Variants in NCAM2 observed in about 807,000 individuals in gnomAD.
The protein encoded by NCAM2 is neural cell adhesion molecule 2.
Under a neutral mutation model 98.1 loss-of-function variants are expected in NCAM2, and 30 were observed. The observed-to-expected ratio is 0.31, with a 90% CI of 0.23 to 0.41. The LOEUF (loss-of-function observed/expected upper bound fraction) is 0.41, where lower values mean the gene tolerates loss of function less well. NCAM2 is among the 10% of genes least tolerant of loss of function. The pLI, the probability that NCAM2 is intolerant of heterozygous loss-of-function variation, is 1.00. For synonymous variants in NCAM2, 368 were observed against 342.4 expected, an observed-to-expected ratio of 1.07 and a Z score of -0.83; for missense variants, 867 against 1,005.8, an observed-to-expected ratio of 0.86 and a Z score of 1.87.
chr21:21,041,451 T>C (rs2064903012), intron 1 of NCAM2, among the ~76,000 whole-genome samples: 1 of 152,158 alleles, frequency 6.6e-6, no homozygotes, highest in African/African-American at 2.4e-5. Context: ...TTGAGAGTGA[T>C]TTTAAGAAGA....
intron 8 of NCAM2, among the ~76,000 whole-genome samples, chr21:21,370,202 T>C (rs1224848377): frequency 6.6e-6 from 1 of 151,888 alleles, no homozygotes; most frequent in Non-Finnish European, 1.5e-5. Flanking sequence ...TAGGTTTCCT[T>C]TCTGAATGTC....
intron 1 of NCAM2, among the ~76,000 whole-genome samples, chr21:21,206,979 A>G (rs1047961253): frequency 6.6e-6 from 1 of 152,142 alleles, no homozygotes; most frequent in African/African-American, 2.4e-5. Context: ...TTTAGACTAT[A>G]CAAGGTATTT....
intron 16 of NCAM2, among the ~76,000 whole-genome samples, chr21:21,514,127 A>G (rs1988564059): frequency 6.6e-6 from 1 of 150,862 alleles, no homozygotes; most frequent in South Asian, 2.1e-4. Context: ...ATAAACCTAT[A>G]TATGGTATAA....
intron 1 of NCAM2, among the ~76,000 whole-genome samples, chr21:21,205,888 C>G (rs1018530977): frequency 2.0e-5 from 3 of 152,026 alleles, no homozygotes; most frequent in African/African-American, 7.2e-5. Context: ...CTAGGTAGCT[C>G]TCTGTGGCTT....
At chr21:21,132,092 A>T (rs2066947810) in intron 1 of NCAM2, among the ~76,000 whole-genome samples, 1 of 152,216 alleles carries the variant, frequency 6.6e-6, no homozygotes, top group Non-Finnish European at 1.5e-5. Context: ...TCCAGGTTCT[A>T]GGAGTTTCCC....
intron 6 of NCAM2, among the ~76,000 whole-genome samples, chr21:21,328,329 G>A (rs553445328): frequency 5.9e-5 from 9 of 151,922 alleles, no homozygotes; most frequent in South Asian, 2.1e-4. Context: ...TTACTATACC[G>A]TACTTTTAAT....
intron 1 of NCAM2, among the ~76,000 whole-genome samples, chr21:21,075,150 A>G (rs1460500989): frequency 6.6e-6 from 1 of 152,124 alleles, no homozygotes; most frequent in African/African-American, 2.4e-5. Flanking sequence ...GAATACATGG[A>G]CACAGGGAGG....
intron 15 of NCAM2, among the ~76,000 whole-genome samples, chr21:21,504,969 T>A (rs1987887924): frequency 6.6e-6 from 1 of 151,926 alleles, no homozygotes; most frequent in African/African-American, 2.4e-5. Flanking sequence ...TTTTTAAATG[T>A]ATAATTATTA....
intron 7 of NCAM2, among the ~76,000 whole-genome samples, chr21:21,337,973 A>G (rs541422216): frequency 6.6e-6 from 1 of 152,184 alleles, no homozygotes; most frequent in South Asian, 2.1e-4. Context: ...GTCTGTATAA[A>G]TATATTCATG....
At chr21:21,144,044 C>T (rs2067223556) in intron 1 of NCAM2, among the ~76,000 whole-genome samples, 1 of 151,896 alleles carries the variant, frequency 6.6e-6, no homozygotes, top group Non-Finnish European at 1.5e-5. Flanking sequence ...GTACCAACAT[C>T]ATACAATTAA....
At chr21:21,462,570 A>T (rs1242248527) in intron 12 of NCAM2, among the ~76,000 whole-genome samples, 1 of 151,990 alleles carries the variant, frequency 6.6e-6, no homozygotes, top group Non-Finnish European at 1.5e-5. Flanking sequence ...TTCAAATTCA[A>T]ATTTTTCTCT....
chr21:21,376,916 T>C (rs1250490374), intron 9 of NCAM2, among the ~76,000 whole-genome samples: 1 of 151,752 alleles, frequency 6.6e-6, no homozygotes, highest in Non-Finnish European at 1.5e-5. Flanking sequence ...CCTGAGATTA[T>C]TATTGCCGCC....
chr21:21,405,543 G>A (rs897304215), intron 9 of NCAM2, among the ~76,000 whole-genome samples: 5 of 152,118 alleles, frequency 3.3e-5, no homozygotes, highest in Non-Finnish European at 5.9e-5. Flanking sequence ...ATTTGAAGAC[G>A]TTAGTAAGTA....
At chr21:21,094,505 A>AT (rs1052952797) in intron 1 of NCAM2, among the ~76,000 whole-genome samples, 3 of 151,838 alleles carry the variant, frequency 2.0e-5, no homozygotes, top group Non-Finnish European at 4.4e-5. Context: ...AAGATAAACT[A>AT]TTTATCTAGT....
intron 1 of NCAM2, among the ~76,000 whole-genome samples, chr21:21,020,781 C>A (rs2146183956): frequency 6.6e-6 from 1 of 152,270 alleles, no homozygotes; most frequent in South Asian, 2.1e-4. Context: ...ATTATAGGAA[C>A]ACTTTTTAAA....
intron 1 of NCAM2, among the ~76,000 whole-genome samples, chr21:21,091,573 C>T (rs1396047589): frequency 2.6e-5 from 4 of 152,034 alleles, no homozygotes; most frequent in South Asian, 4.2e-4. Flanking sequence ...GCTGGGAAGG[C>T]CTCAGAATCA....
chr21:21,327,598 G>A (rs1267726596), intron 6 of NCAM2, among the ~76,000 whole-genome samples: 1 of 152,148 alleles, frequency 6.6e-6, no homozygotes, highest in African/African-American at 2.4e-5. Context: ...AACTGTGAAT[G>A]GGTATAAGAG....
At chr21:21,049,061 G>A (rs1194718303) in intron 1 of NCAM2, among the ~76,000 whole-genome samples, 4 of 136,538 alleles carry the variant, frequency 2.9e-5, no homozygotes, top group East Asian at 4.3e-4. Flanking sequence ...GCCCAGGCTG[G>A]ACTGCGGACT....
At chr21:21,508,799 C>G in intron 15 of NCAM2, 52 bp from the exon 16 acceptor site, 1 of 1,020,090 alleles carries the variant, frequency 9.8e-7, no homozygotes. Context: ...AGGTTTAATA[C>G]TTTTTTTCCT....
Sources: allele counts gnomAD v4.1 joint callset (sites outside exome capture counted in the v4.1 genomes callset), GRCh38; gene constraint gnomAD v4.1.1; transcripts MANE v1.5; gene names NCBI Gene and HGNC (gene_info 2026-07-23, HGNC 2026-07-21).